FGF14: variants seen among roughly 807,000 people sequenced by gnomAD.
FGF14 encodes the protein fibroblast growth factor homologous factor 4.
Under a neutral mutation model 25.5 loss-of-function variants are expected in FGF14, and 5 were observed. The observed-to-expected ratio is 0.20, with a 90% CI of 0.10 to 0.41. The LOEUF (loss-of-function observed/expected upper bound fraction) is 0.41, where lower values mean the gene tolerates loss of function less well. FGF14 is among the 10% of genes least tolerant of loss of function. The pLI is 1.00. For missense variants in FGF14, 222 were observed against 320.1 expected, an observed-to-expected ratio of 0.69 and a Z score of 2.34; for synonymous variants, 138 against 118.3, an observed-to-expected ratio of 1.17 and a Z score of -1.08.
chr13:102,161,578 A>G (rs1202123110), intron 1 of FGF14, among the ~76,000 whole-genome samples: 9 of 3,902 alleles, frequency 2.3e-3, no homozygotes, highest in South Asian at 0.015. Flanking sequence ...AGAAAGAAAG[A>G]AGAAGAAGAA....
intron 1 of FGF14, among the ~76,000 whole-genome samples, chr13:102,114,249 T>C (rs2045361058): frequency 6.6e-6 from 1 of 152,238 alleles, no homozygotes; most frequent in Non-Finnish European, 1.5e-5. Flanking sequence ...GTTTTCTAAG[T>C]GGGTTATTCA....
At chr13:102,205,127 C>A (rs1035125353) in intron 1 of FGF14, among the ~76,000 whole-genome samples, 12 of 152,110 alleles carry the variant, frequency 7.9e-5, no homozygotes, top group African/African-American at 2.9e-4. Flanking sequence ...GCTTACAGAG[C>A]CAGCAGAAAC....
chr13:102,088,903 T>G lies in FGF14; in HGVS notation c.209-213607A>C, dbSNP rs1038080157. Among the ~76,000 whole-genome samples the G allele has an allele frequency of 3.3e-5, 5 of 152,282 alleles. No homozygotes were observed. In the South Asian group the frequency reaches 8.3e-4, roughly 25 times the overall value. ...GTTACCGTATAAAGTAGGTACATTC[T>G]TGATCCACATATTGTAGCTTAGGAA... On this transcript the variant is annotated intron_variant, in intron 1 of 4. Transcript: ENST00000376131.
intron 1 of FGF14, among the ~76,000 whole-genome samples, chr13:102,039,689 G>A (rs1461914109): frequency 6.6e-6 from 1 of 152,120 alleles, no homozygotes; most frequent in African/African-American, 2.4e-5. Context: ...GATTACGTCT[G>A]CTAAGACCCA....
At chr13:101,991,589 A>C (rs1271308353) in intron 1 of FGF14, among the ~76,000 whole-genome samples, 2 of 152,124 alleles carry the variant, frequency 1.3e-5, no homozygotes, top group African/African-American at 2.4e-5. Context: ...CACTGCTTAG[A>C]TCTATAAGGG....
chr13:101,849,958 A>C (rs1167401396), intron 3 of FGF14, among the ~76,000 whole-genome samples: 1 of 152,032 alleles, frequency 6.6e-6, no homozygotes, highest in Non-Finnish European at 1.5e-5. Flanking sequence ...GCCATTCCAA[A>C]TTAAACACAC....
chr13:102,020,774 A>C (rs1162402194), intron 1 of FGF14, among the ~76,000 whole-genome samples: 1 of 152,104 alleles, frequency 6.6e-6, no homozygotes, highest in East Asian at 1.9e-4. Flanking sequence ...CTGAATGTGA[A>C]CAACTAGGTC....
chr13:101,752,830 G>A (rs1414829419), intron 3 of FGF14, among the ~76,000 whole-genome samples: 2 of 152,112 alleles, frequency 1.3e-5, no homozygotes, highest in Admixed American at 1.3e-4. Flanking sequence ...CTAGAAGAGG[G>A]CAGGGCCAAA....
intron 1 of FGF14, among the ~76,000 whole-genome samples, chr13:102,267,589 A>C (rs1200451288): frequency 2.0e-5 from 3 of 152,258 alleles, no homozygotes; most frequent in Non-Finnish European, 4.4e-5. Flanking sequence ...ATATATGGCT[A>C]TGTGTAGAGA....
In FGF14 at chr13:101,716,490, G is replaced by A. The variant is rs969281322; in HGVS notation, c.*6341C>T. 7 of 152,052 alleles carry A rather than the reference G, an allele frequency of 4.6e-5. No individual in the cohort carries two copies. Among genetic ancestry groups the A allele is most frequent in the African/African-American group, 1.7e-4 (7 of 41,410 alleles). 9.4% of individuals were successfully genotyped at this position (152,052 alleles called of 1,614,324 possible). On this transcript the variant is annotated 3_prime_UTR_variant, in exon 5 of 5. Coordinates refer to ENST00000376143, the MANE Select transcript of FGF14 (RefSeq NM_004115.4). ...ATCTACTGATAATTAAAAATGAATT[G>A]TTATTCAGGGATATCTATTTTAGGT...
chr13:101,862,829 CTAA>C (rs1304520790), intron 3 of FGF14, among the ~76,000 whole-genome samples: 71 of 152,032 alleles, frequency 4.7e-4, no homozygotes, highest in African/African-American at 1.6e-3. Flanking sequence ...CAACTGAACT[CTAA>C]TGTGAAAGAA....
intron 1 of FGF14, among the ~76,000 whole-genome samples, chr13:101,882,820 C>T (rs2045783853): frequency 6.6e-6 from 1 of 152,128 alleles, no homozygotes; most frequent in Non-Finnish European, 1.5e-5. Flanking sequence ...CACTTTAAAG[C>T]TACTTCCATT....
At chr13:102,333,323 AAT>A (rs370142825) in intron 1 of FGF14, among the ~76,000 whole-genome samples, 132 of 152,328 alleles carry the variant, frequency 8.7e-4, no homozygotes, top group African/African-American at 3.1e-3. Flanking sequence ...TGTCTGTGAG[AAT>A]ATGAGTCATA....
intron 1 of FGF14, among the ~76,000 whole-genome samples, chr13:102,191,855 G>A (rs1033469241): frequency 4.6e-5 from 7 of 152,172 alleles, no homozygotes; most frequent in Admixed American, 3.9e-4. Flanking sequence ...AATTACAACA[G>A]ATAGTGGAAT....
intron 1 of FGF14, among the ~76,000 whole-genome samples, chr13:102,009,194 A>G (rs973469546): frequency 2.0e-5 from 3 of 152,174 alleles, no homozygotes; most frequent in Admixed American, 6.5e-5. Context: ...GTGTGTGTCT[A>G]TAAGATCATG....
chr13:102,277,300 C>G (rs2053597004), intron 1 of FGF14, among the ~76,000 whole-genome samples: 1 of 152,218 alleles, frequency 6.6e-6, no homozygotes, highest in African/African-American at 2.4e-5. Context: ...TAAAGTTGAG[C>G]TTAAGCTGAA....
intron 1 of FGF14, among the ~76,000 whole-genome samples, chr13:101,988,281 C>T (rs1243904269): frequency 6.6e-6 from 1 of 151,762 alleles, no homozygotes; most frequent in Admixed American, 6.6e-5. Flanking sequence ...AGCCAACAAG[C>T]AGAAGCACAG....
intron 1 of FGF14, among the ~76,000 whole-genome samples, chr13:102,387,160 A>C (rs1328192793): frequency 6.6e-6 from 1 of 152,242 alleles, no homozygotes; most frequent in Non-Finnish European, 1.5e-5. Context: ...ATAAAATTTG[A>C]ATAGCCATTG....
chr13:102,214,801 C>G lies in FGF14; in HGVS notation c.208+186670G>C, dbSNP rs188754210. Among the ~76,000 whole-genome samples, 434 of 152,328 alleles carry G rather than the reference C, an allele frequency of 2.8e-3. 1 individual carries two copies. Among genetic ancestry groups the G allele is most frequent in the African/African-American group, 9.3e-3 (386 of 41,566 alleles). On this transcript the variant is annotated intron_variant, in intron 1 of 4. Coordinates refer to the FGF14 transcript ENST00000376131. ...GGTAGGGGTCAGAGATGCAGCTAAGCATCTGATAATGCATAGGACAGCCCC... is the reference window on the plus strand; with the variant it reads ...GGTAGGGGTCAGAGATGCAGCTAAGGATCTGATAATGCATAGGACAGCCCC...
Sources: allele counts gnomAD v4.1 joint callset (sites outside exome capture counted in the v4.1 genomes callset), GRCh38; gene constraint gnomAD v4.1.1; transcripts MANE v1.5; gene names NCBI Gene and HGNC (gene_info 2026-07-23, HGNC 2026-07-21).